The following EFCAB8 variants were observed in gnomAD, a reference collection of about 807,000 sequenced individuals.
The protein encoded by EFCAB8 is EF-hand calcium binding domain 8.
In EFCAB8, 100 loss-of-function variants were observed where a neutral mutation model predicts 116.3. The observed-to-expected ratio is 0.86, with a 90% CI of 0.73 to 1.02. The LOEUF is 1.02. Among genes scored for constraint, EFCAB8 ranks in the 50% least tolerant of loss-of-function variants. The probability of loss-of-function intolerance (pLI) is 0.00; values close to 1 mark genes in which losing one functional copy is unlikely to be tolerated. For missense variants in EFCAB8, 1,320 were observed against 1,416.9 expected (o/e 0.93, Z 1.10); for synonymous variants, 558 against 567.9 (o/e 0.98, Z 0.25).
intron 11 of EFCAB8, among the ~76,000 whole-genome samples, chr20:32,904,273 G>A (rs955773799): frequency 2.7e-5 from 4 of 150,632 alleles, no homozygotes; most frequent in Non-Finnish European, 4.4e-5. Context: ...GATTACAGGC[G>A]TGAGCCACTG....
At chr20:32,893,419 G>A (rs1233834980) in intron 9 of EFCAB8, 121 bp downstream of exon 9, 23 of 1,417,122 alleles carry the variant, frequency 1.6e-5, no homozygotes, top group Admixed American at 4.6e-5. Context: ...CTGGGAAGGC[G>A]TCTGCTTCCA....
At chr20:32,862,510 C>T (rs766982021) in intron 1 of EFCAB8, among the ~76,000 whole-genome samples, 8 of 152,198 alleles carry the variant, frequency 5.3e-5, no homozygotes, top group Non-Finnish European at 1.0e-4. Context: ...AAATCTCCTT[C>T]CCTTAGGCTG....
intron 13 of EFCAB8, 148 bp downstream of exon 13, chr20:32,907,142 A>G (rs1176297439): frequency 2.8e-6 from 4 of 1,422,110 alleles, no homozygotes; most frequent in Non-Finnish European, 3.7e-6. Context: ...GAGGGTGGCC[A>G]TGGACCTCTG....
chr20:32,863,819 C>G lies in EFCAB8; in HGVS notation c.27C>G (p.Ile9Met). 4 of 1,551,392 alleles carry G rather than the reference C, an allele frequency of 2.6e-6. No homozygotes were observed. Among genetic ancestry groups the G allele is most frequent in the Non-Finnish European group, 3.5e-6 (4 of 1,146,846 alleles). ...TGTCTTCTGAAGACTTAGCAGAGAT[C>G]CCTCAACTCCAAAAGGTAAGAAAGA... MSSEDLAE[I>M]PQLQKLSIPH... The change falls in exon 2 of 27, where the codon ATC becomes ATG. Residue 9 changes from isoleucine (I) to methionine (M), a missense_variant. By Grantham distance (10) the Ile-to-Met change is conservative. Coordinates refer to ENST00000400522, the MANE Select transcript of EFCAB8 (RefSeq NM_001143967.2).
intron 26 of EFCAB8, 135 bp from the exon 27 acceptor site, chr20:32,961,001 A>C: frequency 1.3e-6 from 1 of 751,112 alleles, no homozygotes; most frequent in Non-Finnish European, 2.2e-6. Flanking sequence ...AGTGGTAGCC[A>C]CAGTCCTCTG....
At chr20:32,880,572 T>C (rs1321799199) in intron 5 of EFCAB8, among the ~76,000 whole-genome samples, 1 of 152,128 alleles carries the variant, frequency 6.6e-6, no homozygotes, top group Non-Finnish European at 1.5e-5. Flanking sequence ...TACCCGGCAA[T>C]AACTTAAAAC....
At chr20:32,879,967 G>A (rs1041904855) in intron 5 of EFCAB8, among the ~76,000 whole-genome samples, 27 of 152,190 alleles carry the variant, frequency 1.8e-4, no homozygotes, top group Admixed American at 6.5e-4. Flanking sequence ...AGCATGAGGA[G>A]CATTGCAGGG....
At chr20:32,859,176 T>G (rs1356376613) in intron 1 of EFCAB8, among the ~76,000 whole-genome samples, 170 bp downstream of exon 1, 1 of 152,176 alleles carries the variant, frequency 6.6e-6, no homozygotes, top group African/African-American at 2.4e-5. Context: ...AAACCACTCG[T>G]TCCCCTCTCA....
intron 21 of EFCAB8, among the ~76,000 whole-genome samples, 160 bp downstream of exon 21, chr20:32,930,776 A>G (rs575508409): frequency 2.0e-5 from 3 of 152,194 alleles, no homozygotes; most frequent in East Asian, 1.9e-4. Context: ...TGCTAAGCCC[A>G]GTGACAGGAG....
intron 14 of EFCAB8, among the ~76,000 whole-genome samples, chr20:32,909,097 C>T (rs568139405): frequency 1.2e-4 from 18 of 152,146 alleles, no homozygotes; most frequent in Non-Finnish European, 2.2e-4. Flanking sequence ...GGGGGCCGCT[C>T]GTGCTTGAGC....
chr20:32,876,096 C>T lies in EFCAB8; in HGVS notation c.327+52C>T, dbSNP rs1436313616. On this transcript the variant is annotated intron_variant, in intron 4 of 26. Coordinates refer to ENST00000400522, the MANE Select transcript of EFCAB8 (RefSeq NM_001143967.2). The stretch of plus-strand genomic sequence containing the variant: ...GGTGCTGGAGGGAGGCTGGAGGGTC[C>T]AGTCCTTGACCAGTTGGTGGGGCTG... 7 of 1,455,928 alleles carry T rather than the reference C, an allele frequency of 4.8e-6. No homozygotes were observed. The Admixed American group carries it at 7.9e-5, about 16-fold the overall frequency. The allele number at this position is 1,455,928 out of a possible 1,614,324, so 90.2% of individuals were successfully genotyped here.
At chr20:32,892,829 CTCTTTTTTTTTTTTTTT>C (rs1985980550) in intron 8 of EFCAB8, among the ~76,000 whole-genome samples, 1 of 148,194 alleles carries the variant, frequency 6.7e-6, no homozygotes, top group African/African-American at 2.5e-5. Flanking sequence ...GCTCCACAGC[CTCTTTTTTTTTTTTTTT>C]TCTTTTTTTT....
chr20:32,936,172 A>G (rs1483659812), intron 22 of EFCAB8, among the ~76,000 whole-genome samples: 1 of 152,020 alleles, frequency 6.6e-6, no homozygotes, highest in Non-Finnish European at 1.5e-5. Context: ...AGCTGGGATT[A>G]TAGGCGTGTG....
chr20:32,918,930 G>A (rs748293370), intron 19 of EFCAB8, among the ~76,000 whole-genome samples: 3 of 152,146 alleles, frequency 2.0e-5, no homozygotes, highest in Non-Finnish European at 2.9e-5. Flanking sequence ...CCTGACCTTG[G>A]CCCAGGTGCA....
chr20:32,935,656 G>A (rs777335395), intron 22 of EFCAB8, among the ~76,000 whole-genome samples: 33 of 152,110 alleles, frequency 2.2e-4, no homozygotes, highest in Non-Finnish European at 3.7e-4. Flanking sequence ...ACAGGCATGC[G>A]CCACCACGCC....
At chr20:32,949,850 A>G (rs1322854183) in intron 23 of EFCAB8, among the ~76,000 whole-genome samples, 1 of 152,226 alleles carries the variant, frequency 6.6e-6, no homozygotes. Context: ...CATACAAAAA[A>G]TTAGCCAGGC....
At position 32,961,588 on chromosome 20, in the gene EFCAB8, G is replaced by A. The variant is rs1223267858; in HGVS notation, c.3846G>A (p.Gly1282=). ...LKATFMSSVK[G]SSHVRF Reference sequence around the variant, plus strand: ...CCACCTTCATGTCCTCTGTGAAGGGGAGCTCCCATGTCAGGTTCTGAGGTG... The same window carrying A: ...CCACCTTCATGTCCTCTGTGAAGGGAAGCTCCCATGTCAGGTTCTGAGGTG... The change falls in exon 27 of 27, where the codon GGG becomes GGA. Residue 1282 remains glycine, a synonymous_variant. Transcript: ENST00000400522. 1 of 1,351,360 alleles carries A rather than the reference G, an allele frequency of 7.4e-7. No homozygotes were observed. Among genetic ancestry groups the A allele is most frequent in the Non-Finnish European group, 9.5e-7 (1 of 1,050,626 alleles). The allele number at this position is 1,351,360 out of a possible 1,614,324, so 83.7% of individuals were successfully genotyped here.
intron 8 of EFCAB8, 75 bp downstream of exon 8, chr20:32,892,372 G>A (rs542261157): frequency 2.1e-6 from 3 of 1,435,010 alleles, no homozygotes; most frequent in East Asian, 5.0e-5. Flanking sequence ...CACTGACTAG[G>A]GTTGGGGCCC....
chr20:32,878,541 C>T (rs13037174), intron 4 of EFCAB8, among the ~76,000 whole-genome samples, 163 bp from the exon 5 acceptor site: 58,098 of 141,878 alleles, frequency 0.41, 13,994 homozygotes, highest in Non-Finnish European at 0.54. Flanking sequence ...GACGGAGTCT[C>T]GCTCTGTCGC....
Sources: gnomAD v4.1 joint callset for allele counts (sites outside exome capture counted in the v4.1 genomes callset) on GRCh38, gnomAD v4.1.1 for gene constraint, MANE v1.5 for transcripts, NCBI Gene and HGNC (gene_info 2026-07-23, HGNC 2026-07-21) for gene names.